Variants in AKT3 observed in about 807,000 individuals in gnomAD.
AKT3 encodes AKT serine/threonine kinase 3.
Under a neutral mutation model 65.3 loss-of-function variants are expected in AKT3, and 15 were observed. That is an observed-to-expected ratio of 0.23 (90% CI 0.15 to 0.35). The LOEUF (loss-of-function observed/expected upper bound fraction) is 0.35. AKT3 is among the 10% of genes least tolerant of loss of function. The pLI, the probability that AKT3 is intolerant of heterozygous loss-of-function variation, is 1.00. For missense variants in AKT3, 243 were observed against 576.5 expected (o/e 0.42, Z 5.92); for synonymous variants, 206 against 183.8 (o/e 1.12, Z -0.98).
intron 6 of AKT3, among the ~76,000 whole-genome samples, chr1:243,635,960 C>A (rs1385693076): frequency 2.6e-5 from 4 of 152,138 alleles, no homozygotes; most frequent in Admixed American, 2.6e-4. Flanking sequence ...CAAGGCACTA[C>A]TTCAATCAGA....
At chr1:243,604,608 T>A (rs1238659152) in intron 8 of AKT3, among the ~76,000 whole-genome samples, 1 of 152,192 alleles carries the variant, frequency 6.6e-6, no homozygotes, top group African/African-American at 2.4e-5. Flanking sequence ...AACCACTTTT[T>A]AAGAAGAGTT....
intron 6 of AKT3, among the ~76,000 whole-genome samples, chr1:243,633,836 T>C (rs929405896): frequency 6.6e-6 from 1 of 152,080 alleles, no homozygotes; most frequent in African/African-American, 2.4e-5. Context: ...AAGAAAGAGA[T>C]TGGGAAAGTC....
intron 2 of AKT3, among the ~76,000 whole-genome samples, chr1:243,699,995 G>A (rs1685343843): frequency 6.6e-6 from 1 of 152,206 alleles, no homozygotes; most frequent in South Asian, 2.1e-4. Flanking sequence ...TTCTCAGTGA[G>A]TGTGAACCTG....
At chr1:243,708,288 A>G (rs1041945542) in intron 2 of AKT3, among the ~76,000 whole-genome samples, 3 of 151,994 alleles carry the variant, frequency 2.0e-5, no homozygotes, top group African/African-American at 7.2e-5. Context: ...ACACTATTCA[A>G]TTACTCAAAT....
intron 4 of AKT3, among the ~76,000 whole-genome samples, chr1:243,650,350 G>A (rs1013267101): frequency 1.3e-5 from 2 of 152,166 alleles, no homozygotes; most frequent in Non-Finnish European, 2.9e-5. Context: ...CTCCCATTCT[G>A]TAGGCTGCCT....
intron 3 of AKT3, among the ~76,000 whole-genome samples, chr1:243,668,358 A>C (rs953342604): frequency 6.6e-6 from 1 of 152,210 alleles, no homozygotes; most frequent in Non-Finnish European, 1.5e-5. Context: ...AATAAAATAA[A>C]AGAGAAGATA....
intron 2 of AKT3, among the ~76,000 whole-genome samples, chr1:243,777,802 T>C (rs368493372): frequency 1.3e-5 from 2 of 152,170 alleles, no homozygotes; most frequent in South Asian, 4.1e-4. Context: ...CAGATACTGA[T>C]TCCTCGTTCA....
At chr1:243,714,062 T>C (rs1313070065) in intron 2 of AKT3, among the ~76,000 whole-genome samples, 1 of 152,128 alleles carries the variant, frequency 6.6e-6, no homozygotes, top group African/African-American at 2.4e-5. Context: ...AAGACAGTAA[T>C]AAGGAGGATG....
chr1:243,770,315 C>T (rs1039107998), intron 2 of AKT3, among the ~76,000 whole-genome samples: 3 of 152,110 alleles, frequency 2.0e-5, no homozygotes, highest in Non-Finnish European at 4.4e-5. Context: ...GGGCATTATC[C>T]TATCCCATTA....
intron 7 of AKT3, 49 bp downstream of exon 7, chr1:243,615,047 C>A: frequency 1.5e-6 from 2 of 1,323,030 alleles, no homozygotes; most frequent in East Asian, 2.3e-5. Flanking sequence ...CATAAAATTC[C>A]TTAAATTTCA....
chr1:243,638,895 A>C (rs1230864789), intron 5 of AKT3, among the ~76,000 whole-genome samples: 1 of 152,128 alleles, frequency 6.6e-6, no homozygotes, highest in Non-Finnish European at 1.5e-5. Context: ...GAAATCAATT[A>C]AATTTTTAAA....
intron 2 of AKT3, among the ~76,000 whole-genome samples, chr1:243,775,478 C>A (rs1458995129): frequency 6.6e-6 from 1 of 152,190 alleles, no homozygotes; most frequent in Non-Finnish European, 1.5e-5. Flanking sequence ...CTGCGCCCGG[C>A]CAGTTCTAAC....
At chr1:243,832,120 TAAAAAAAAAAAAAAAAAAAAAAAAAAAA>T (rs869235352) in intron 2 of AKT3, among the ~76,000 whole-genome samples, 22 of 44,774 alleles carry the variant, frequency 4.9e-4, no homozygotes, top group Non-Finnish European at 6.7e-4. Flanking sequence ...TCCCTAAAAC[TAAAAAAAAAAAAAAAAAAAAAAAAAAAA>T]AAAAAAAAAA....
intron 3 of AKT3, among the ~76,000 whole-genome samples, chr1:243,686,651 A>ATATATAT (rs1475559883): frequency 4.3e-5 from 1 of 23,522 alleles, no homozygotes; most frequent in African/African-American, 1.6e-4. Flanking sequence ...ATATATATAT[A>ATATATAT]TTTTTTTTTT....
chr1:243,811,311 G>A (rs1258974277), intron 2 of AKT3, among the ~76,000 whole-genome samples: 1 of 152,172 alleles, frequency 6.6e-6, no homozygotes, highest in Non-Finnish European at 1.5e-5. Flanking sequence ...AAGCTGATAA[G>A]TAACTTCAGC....
intron 12 of AKT3, among the ~76,000 whole-genome samples, chr1:243,539,736 A>T (rs892382762): frequency 2.0e-5 from 3 of 152,362 alleles, no homozygotes; most frequent in Admixed American, 1.3e-4. Context: ...ACTTACAAAT[A>T]ACCCTTAAGA....
Position 243,810,450 on chromosome 1 carries a change from CAT to C in AKT3, c.46+32673_46+32674del, listed in dbSNP as rs1558833621. On this transcript the variant is annotated intron_variant, in intron 2 of 13. Coordinates refer to ENST00000673466, the MANE Select transcript of AKT3 (RefSeq NM_005465.7). ...GAAGAAACGGATAAATTCCTCGACA[CAT>C]ACACTCCCCCAAGACTAAACCAGGA... Among the ~76,000 whole-genome samples the C allele has an allele frequency of 7.2e-5, 11 of 151,748 alleles. No individual in the cohort carries two copies. In the East Asian group the frequency reaches 7.7e-4, roughly 11 times the overall value.
In AKT3 at chr1:243,828,782, C is replaced by A. The variant is rs181457735; in HGVS notation, c.46+14343G>T. Among the ~76,000 whole-genome samples, 2 of 152,044 alleles carry A rather than the reference C, an allele frequency of 1.3e-5. 1 individual carries two copies. Among genetic ancestry groups the A allele is most frequent in the South Asian group, 4.1e-4 (2 of 4,820 alleles). On this transcript the variant is annotated intron_variant, in intron 2 of 13. Transcript: ENST00000673466. The stretch of plus-strand genomic sequence containing the variant: ...TTGTGAGGGAGTCAAAAGTGATTTG[C>A]GCATTTTTGACCGTGCAGGTGGTCT...
chr1:243,596,192 A>T (rs910909674), intron 8 of AKT3, among the ~76,000 whole-genome samples: 1 of 152,180 alleles, frequency 6.6e-6, no homozygotes, highest in Non-Finnish European at 1.5e-5. Flanking sequence ...GTACACAAAC[A>T]TTTCTTGGAC....
Sources: gnomAD v4.1 joint callset for allele counts (sites outside exome capture counted in the v4.1 genomes callset) on GRCh38, gnomAD v4.1.1 for gene constraint, MANE v1.5 for transcripts, NCBI Gene and HGNC (gene_info 2026-07-23, HGNC 2026-07-21) for gene names.